CEP85L: variants seen among roughly 807,000 people sequenced by gnomAD.
The protein encoded by CEP85L is centrosomal protein of 85 kDa-like.
A neutral mutation model predicts 100.3 loss-of-function variants in CEP85L; 60 were observed. That is an observed-to-expected ratio of 0.60 (90% CI 0.49 to 0.74). CEP85L has a LOEUF of 0.74. Among genes scored for constraint, CEP85L ranks in the 30% least tolerant of loss-of-function variants. CEP85L has a pLI of 0.00. For missense variants in CEP85L, 973 were observed against 936.2 expected (o/e 1.04, Z -0.51); for synonymous variants, 319 against 322.7 (o/e 0.99, Z 0.12).
At chr6:118,528,205 TTTTC>T (rs1184967063) in intron 3 of CEP85L, among the ~76,000 whole-genome samples, 6 of 146,014 alleles carry the variant, frequency 4.1e-5, no homozygotes, top group East Asian at 1.9e-4. Context: ...GTGGCTTTTC[TTTTC>T]TTTTTCTTTT....
chr6:118,615,685 A>G (rs1772988509), intron 2 of CEP85L, among the ~76,000 whole-genome samples: 2 of 152,190 alleles, frequency 1.3e-5, no homozygotes, highest in South Asian at 4.1e-4. Flanking sequence ...CTTGGACCAA[A>G]TGGTATCAGC....
intron 1 of CEP85L, among the ~76,000 whole-genome samples, chr6:118,662,878 T>C (rs1776020693): frequency 6.6e-6 from 1 of 152,196 alleles, no homozygotes; most frequent in Non-Finnish European, 1.5e-5. Flanking sequence ...ATATATGTAG[T>C]ATTGACTCTC....
At chr6:118,508,306 A>G (rs952888286) in intron 5 of CEP85L, among the ~76,000 whole-genome samples, 4 of 152,174 alleles carry the variant, frequency 2.6e-5, no homozygotes, top group Admixed American at 2.6e-4. Context: ...ATGATGCAAC[A>G]ATGAAACTTA....
intron 1 of CEP85L, among the ~76,000 whole-genome samples, chr6:118,633,190 A>G (rs993649286): frequency 6.8e-6 from 1 of 147,336 alleles, no homozygotes; most frequent in African/African-American, 2.5e-5. Flanking sequence ...GCATTTTCCT[A>G]CTCTTAGCTT....
rs149191935 is a variant in CEP85L at position 118,622,584 on chromosome 6, C to T, written c.232+9869G>A. Among the ~76,000 whole-genome samples the T allele has an allele frequency of 1.1e-3, 170 of 152,312 alleles. 1 individual carries two copies. Among genetic ancestry groups the T allele is most frequent in the African/African-American group, 3.9e-3 (161 of 41,574 alleles). On this transcript the variant is annotated intron_variant, in intron 2 of 12. Transcript: ENST00000368491. Reference sequence around the variant, plus strand: ...GGACCAGCACCCAGTTAGCAGAACTCGTGGCACTTACCTGAGCCTTAGAAC... The same window carrying T: ...GGACCAGCACCCAGTTAGCAGAACTTGTGGCACTTACCTGAGCCTTAGAAC...
At chr6:118,565,470 G>T in intron 3 of CEP85L, 59 bp downstream of exon 3, 1 of 1,456,772 alleles carries the variant, frequency 6.9e-7, no homozygotes, top group Non-Finnish European at 9.6e-7. Flanking sequence ...TACTGTAAGT[G>T]TGCTACTGTA....
intron 4 of CEP85L, among the ~76,000 whole-genome samples, chr6:118,521,962 T>G (rs781582600): frequency 4.1e-4 from 63 of 152,116 alleles, no homozygotes; most frequent in Non-Finnish European, 8.2e-4. Context: ...TTAACTTATA[T>G]CCAATGGAAT....
At position 118,461,731 on chromosome 6, in the gene CEP85L, A is replaced by G. The variant is rs1412867566; in HGVS notation, c.*3674T>C. On this transcript the variant is annotated 3_prime_UTR_variant, in exon 13 of 13. Transcript: ENST00000368491. ...GGAAATTTTGCTCTTTATACCAAATAGGAAATTGTTCCTGTTGTTTTGTGA... is the reference window on the plus strand; with the variant it reads ...GGAAATTTTGCTCTTTATACCAAATGGGAAATTGTTCCTGTTGTTTTGTGA... 6.6e-6 allele frequency: 1 copy of G among 152,102 alleles called. No individual in the cohort carries two copies. Among genetic ancestry groups the G allele is most frequent in the Non-Finnish European group, 1.5e-5 (1 of 67,954 alleles). The allele number at this position is 152,102 out of a possible 1,614,324, so 9.4% of individuals were successfully genotyped here.
intron 6 of CEP85L, among the ~76,000 whole-genome samples, chr6:118,486,567 A>G (rs1470886967): frequency 1.3e-5 from 2 of 152,166 alleles, no homozygotes; most frequent in Admixed American, 6.6e-5. Flanking sequence ...GTGTGGACCC[A>G]AAGTGCTGTT....
chr6:118,546,047 G>C (rs1778182151), intron 3 of CEP85L, among the ~76,000 whole-genome samples: 1 of 151,726 alleles, frequency 6.6e-6, no homozygotes, highest in African/African-American at 2.4e-5. Flanking sequence ...ACACTCTACT[G>C]ATAACACTAT....
rs1213327384 is a variant in CEP85L at position 118,651,499 on chromosome 6, C to G, written c.-230G>C. 4.1e-5 allele frequency: 52 copies of G among 1,265,050 alleles called. No homozygotes were observed. Among genetic ancestry groups the G allele is most frequent in the Non-Finnish European group, 5.2e-5 (52 of 1,005,844 alleles). 78.4% of individuals were successfully genotyped at this position (1,265,050 alleles called of 1,614,324 possible). On this transcript the variant is annotated 5_prime_UTR_variant, in exon 1 of 13. Transcript: ENST00000368491. ...AAGCCGGCTGGGCTGAGGCCCGCGC[C>G]GGGGAAGCGGCGACTCGGCGGTGAC...
chr6:118,479,182 C>T (rs529986465), intron 10 of CEP85L, among the ~76,000 whole-genome samples: 26 of 152,198 alleles, frequency 1.7e-4, no homozygotes, highest in African/African-American at 4.6e-4. Context: ...CAGGCTCATA[C>T]ATTTATTGAT....
chr6:118,622,781 A>C lies in CEP85L; in HGVS notation c.232+9672T>G, dbSNP rs548820900. On this transcript the variant is annotated intron_variant, in intron 2 of 12. Coordinates refer to ENST00000368491, the MANE Select transcript of CEP85L (RefSeq NM_001042475.3). ...CTGCACGCAGTGCAGAAACCCAAGAAGGCGGCAGTCTTACACTGCCGGGGT... is the reference window on the plus strand; with the variant it reads ...CTGCACGCAGTGCAGAAACCCAAGACGGCGGCAGTCTTACACTGCCGGGGT... Among the ~76,000 whole-genome samples the C allele has an allele frequency of 2.0e-5, 3 of 152,378 alleles. No individual in the cohort carries two copies. The South Asian group carries it at 6.2e-4, about 32-fold the overall frequency.
chr6:118,623,857 C>G (rs1285597969), intron 2 of CEP85L, among the ~76,000 whole-genome samples: 8 of 152,280 alleles, frequency 5.3e-5, no homozygotes, highest in Middle Eastern at 3.4e-3. Flanking sequence ...AGAGCTGTTC[C>G]AACCAGAAGA....
intron 1 of CEP85L, among the ~76,000 whole-genome samples, chr6:118,649,067 C>CTGA (rs1028348385): frequency 1.3e-5 from 2 of 152,030 alleles, no homozygotes; most frequent in Admixed American, 6.5e-5. Flanking sequence ...TTATCTTGAC[C>CTGA]TTCACCATCT....
intron 1 of CEP85L, among the ~76,000 whole-genome samples, chr6:118,662,525 C>A (rs1405754408): frequency 8.5e-6 from 1 of 117,610 alleles, no homozygotes; most frequent in South Asian, 2.9e-4. Context: ...AGGGAAACCG[C>A]ATCTCAAAAG....
chr6:118,534,962 G>A (rs957364167), intron 3 of CEP85L, among the ~76,000 whole-genome samples: 1 of 152,192 alleles, frequency 6.6e-6, no homozygotes, highest in Non-Finnish European at 1.5e-5. Flanking sequence ...AGAAGTTGCA[G>A]TGAACAACTG....
chr6:118,670,164 G>T (rs985951540), intron 1 of CEP85L, among the ~76,000 whole-genome samples: 26 of 151,674 alleles, frequency 1.7e-4, no homozygotes, highest in Admixed American at 1.7e-3. Context: ...TTCATATGGG[G>T]CTTGCCCGTG....
Position 118,491,714 on chromosome 6 carries a change from C to T in CEP85L, c.1409G>A (p.Ser470Asn). 6.2e-7 allele frequency: 1 copy of T among 1,612,662 alleles called. No individual in the cohort carries two copies. The highest frequency in any genetic ancestry group is 8.5e-7 in the Non-Finnish European group (1 of 1,179,458). Residue 470 changes from serine (S) to asparagine (N), a missense_variant, in exon 6 of 13, where the codon AGT becomes AAT. This residue lies in a region of CEP85L where 890 missense variants were observed against 844.5 expected (regional missense o/e 1.05). Transcript: ENST00000368491. The part of the protein sequence containing the change: ...EFLKQRLSLF[S>N]EEKKKLEEKL... ...TTCCTCTAGTTTCTTCTTCTCTTCA[C>T]TAAATAGGCTTAGTCTTTGTTTGAG...
Sources: allele counts gnomAD v4.1 joint callset (sites outside exome capture counted in the v4.1 genomes callset), GRCh38; gene constraint gnomAD v4.1.1; regional missense constraint gnomAD v4.1.1; transcripts MANE v1.5; gene names NCBI Gene and HGNC (gene_info 2026-07-23, HGNC 2026-07-21).